Variants in PATJ observed in about 807,000 individuals in gnomAD.
The protein encoded by PATJ is PATJ crumbs cell polarity complex component, also known as inaD-like protein.
In PATJ, 190 loss-of-function variants were observed where a neutral mutation model predicts 224.9. The observed-to-expected ratio is 0.84, with a 90% CI of 0.75 to 0.95. The LOEUF (loss-of-function observed/expected upper bound fraction) is 0.95. Among genes scored for constraint, PATJ ranks in the 40% least tolerant of loss-of-function variants. The pLI is 0.00. For synonymous variants in PATJ, 769 were observed against 820.3 expected, an observed-to-expected ratio of 0.94 and a Z score of 1.07; for missense variants, 2,121 against 2,270.3, an observed-to-expected ratio of 0.93 and a Z score of 1.34.
At chr1:62,077,842 A>C (rs1658580417) in intron 31 of PATJ, among the ~76,000 whole-genome samples, 1 of 152,212 alleles carries the variant, frequency 6.6e-6, no homozygotes, top group South Asian at 2.1e-4. Context: ...TCTAATTAGC[A>C]GTGTGATTTC....
Position 61,901,473 on chromosome 1 carries a change from A to G in PATJ, c.3381+14A>G. On this transcript the variant is annotated intron_variant, in intron 24 of 43. Transcript: ENST00000642238. ...AAAATACTTGAGGTAAATGATGTTA[A>G]AGTACTGTTTTTATTGGAAACATAC... 6.5e-7 allele frequency: 1 copy of G among 1,544,324 alleles called. No homozygotes were observed. Among genetic ancestry groups the G allele is most frequent in the Non-Finnish European group, 8.8e-7 (1 of 1,142,446 alleles).
At chr1:61,747,591 T>C (rs1470768237) in intron 1 of PATJ, among the ~76,000 whole-genome samples, 1 of 152,168 alleles carries the variant, frequency 6.6e-6, no homozygotes, top group Non-Finnish European at 1.5e-5. Context: ...CCGGTAAAAT[T>C]ATGGAGTTGT....
intron 14 of PATJ, among the ~76,000 whole-genome samples, chr1:61,822,264 A>C (rs1657423152): frequency 6.6e-6 from 1 of 151,984 alleles, no homozygotes; most frequent in African/African-American, 2.4e-5. Context: ...TACTAAAAAT[A>C]CAAAAAAATT....
intron 29 of PATJ, among the ~76,000 whole-genome samples, chr1:62,019,470 G>T (rs1198350191): frequency 6.6e-6 from 1 of 151,800 alleles, no homozygotes; most frequent in Non-Finnish European, 1.5e-5. Flanking sequence ...AGTGAGCCGA[G>T]ATCACGCCAC....
chr1:61,924,932 G>GTCAGA (rs1674889746), intron 26 of PATJ, among the ~76,000 whole-genome samples: 1 of 1,556 alleles, frequency 6.4e-4, no homozygotes, highest in African/African-American at 0.028. Context: ...CAGACAGGCG[G>GTCAGA]CCGGGCGCGG....
intron 9 of PATJ, among the ~76,000 whole-genome samples, chr1:61,794,884 A>T (rs1182119071): frequency 6.6e-6 from 1 of 152,130 alleles, no homozygotes; most frequent in East Asian, 1.9e-4. Flanking sequence ...GCTACTCAGG[A>T]GGCAGGAGAA....
At chr1:61,903,204 A>G (rs1188212323) in intron 24 of PATJ, among the ~76,000 whole-genome samples, 2 of 152,370 alleles carry the variant, frequency 1.3e-5, no homozygotes, top group East Asian at 3.9e-4. Flanking sequence ...GGCCTCAGCC[A>G]GAAGGCTGTT....
Position 61,771,521 on chromosome 1 carries a change from A to G in PATJ, c.615A>G (p.Leu205=). 6.2e-7 allele frequency: 1 copy of G among 1,613,344 alleles called. No homozygotes were observed. The change falls in exon 6 of 44, where the codon TTA becomes TTG. Residue 205 remains leucine, a synonymous_variant. Transcript: ENST00000642238. ...QNISHQQAIA[L]LQQTTGSLRL... ...TTTCCCATCAGCAAGCAATTGCATT[A>G]TTACAACAAACCACTGGATCTTTGA...
chr1:62,029,462 A>G (rs1006533819), intron 29 of PATJ, among the ~76,000 whole-genome samples: 7 of 152,200 alleles, frequency 4.6e-5, no homozygotes, highest in African/African-American at 7.2e-5. Context: ...AGTATCCCAT[A>G]TTTATCCTAA....
At chr1:61,824,429 C>CTT (rs33949343) in intron 15 of PATJ, among the ~76,000 whole-genome samples, 110,635 of 138,370 alleles carry the variant, frequency 0.8, 45,156 homozygotes, top group East Asian at 0.99. Context: ...ACCTTTTTTC[C>CTT]TTTTTTTTTT....
At chr1:61,911,698 TA>T (rs1557864374) in intron 25 of PATJ, among the ~76,000 whole-genome samples, 3 of 112,028 alleles carry the variant, frequency 2.7e-5, no homozygotes, top group African/African-American at 2.1e-4. Context: ...TATATTTTTA[TA>T]TATATATATA....
At chr1:61,754,016 G>A (rs140374160) in intron 1 of PATJ, among the ~76,000 whole-genome samples, 1 of 152,132 alleles carries the variant, frequency 6.6e-6, no homozygotes, top group African/African-American at 2.4e-5. Context: ...ACATTCTACA[G>A]TGAACCAGAT....
Position 61,922,367 on chromosome 1 carries a change from T to C in PATJ, c.3571-5363T>C, listed in dbSNP as rs143635457. 3.1e-3 allele frequency among the ~76,000 whole-genome samples: 472 copies of C among 152,190 alleles called. 1 individual carries two copies. The highest frequency in any genetic ancestry group is 0.011 in the African/African-American group (452 of 41,518). ...CCAGTAACTGCTACTTTAAAGTAAT[T>C]TGGGGACAAGACATGGAAACCCACA... On this transcript the variant is annotated intron_variant, in intron 26 of 43. Coordinates refer to ENST00000642238, the MANE Select transcript of PATJ (RefSeq NM_001350145.3).
intron 33 of PATJ, among the ~76,000 whole-genome samples, chr1:62,106,589 A>G (rs937845321): frequency 2.0e-5 from 3 of 152,008 alleles, no homozygotes; most frequent in African/African-American, 7.3e-5. Context: ...TCATTTCTTT[A>G]CTTCATATGA....
At position 62,153,396 on chromosome 1, in the gene PATJ, C is replaced by G; in HGVS notation, c.5417C>G (p.Ser1806Cys). 8.1e-7 allele frequency: 1 copy of G among 1,231,710 alleles called. No individual in the cohort carries two copies. Among genetic ancestry groups the G allele is most frequent in the East Asian group, 3.2e-5 (1 of 31,690 alleles). 76.3% of individuals were successfully genotyped at this position (1,231,710 alleles called of 1,614,324 possible). A position where few individuals can be genotyped will look rare whatever the true frequency, so the allele number is the denominator to read the frequency against. The change falls in exon 43 of 44, where the codon TCT becomes TGT. Residue 1806 changes from serine to cysteine, a missense_variant. Physicochemically the swap from Ser to Cys is moderately radical, Grantham distance 112 (BLOSUM62 -1). Coordinates refer to ENST00000642238, the MANE Select transcript of PATJ (RefSeq NM_001350145.3). ...AAGATTATTACTTTGGAGAAAGGCTCTGAAGGCTTGGGGTTTAGTATTGTA... is the reference window on the plus strand; with the variant it reads ...AAGATTATTACTTTGGAGAAAGGCTGTGAAGGCTTGGGGTTTAGTATTGTA... The part of the protein sequence containing the change: ...PPKIITLEKG[S>C]EGLGFSIVGG...
chr1:61,960,869 G>C (rs1053166384), intron 27 of PATJ, among the ~76,000 whole-genome samples: 13 of 151,968 alleles, frequency 8.6e-5, no homozygotes, highest in African/African-American at 3.1e-4. Flanking sequence ...TCTGATTCTT[G>C]AGTTCTAGAC....
intron 32 of PATJ, among the ~76,000 whole-genome samples, chr1:62,083,287 A>G (rs1254819052): frequency 6.6e-6 from 1 of 152,054 alleles, no homozygotes; most frequent in Non-Finnish European, 1.5e-5. Flanking sequence ...ACGCCCAGCT[A>G]TTTTTTATAT....
Position 62,079,520 on chromosome 1 carries a change from C to T in PATJ, c.4196C>T (p.Ala1399Val). The T allele has an allele frequency of 1.9e-6, 3 of 1,613,544 alleles. No homozygotes were observed. Among genetic ancestry groups the T allele is most frequent in the Non-Finnish European group, 2.5e-6 (3 of 1,179,514 alleles). Residue 1399 changes from alanine (A) to valine (V), a missense_variant, in exon 32 of 44, where the codon GCA (alanine) becomes GTA (valine). Physicochemically the swap from Ala to Val is moderately conservative, Grantham distance 64. Coordinates refer to ENST00000642238, the MANE Select transcript of PATJ (RefSeq NM_001350145.3). ...TTCAGTTCACAAGAGATACCATTAG[C>T]ACCAGCTTCATCATACCATTCAACA... is the stretch of plus-strand genomic sequence containing the variant. Reference protein sequence around the residue: ...VSFSSQEIPLAPASSYHSTDA... With the variant: ...VSFSSQEIPLVPASSYHSTDA...
chr1:61,779,717 T>C (rs915366262), intron 7 of PATJ, among the ~76,000 whole-genome samples: 3 of 152,216 alleles, frequency 2.0e-5, no homozygotes, highest in Non-Finnish European at 2.9e-5. Context: ...GTAAAGGAGT[T>C]CTGTCTTTAT....
Sources: allele counts gnomAD v4.1 joint callset (sites outside exome capture counted in the v4.1 genomes callset), GRCh38; gene constraint gnomAD v4.1.1; transcripts MANE v1.5; gene names NCBI Gene and HGNC (gene_info 2026-07-23, HGNC 2026-07-21).